Variants in KHDRBS3 observed in about 807,000 individuals in gnomAD.
KHDRBS3 encodes the protein KH domain-containing, RNA-binding, signal transduction-associated protein 3.
KHDRBS3 carries 23 observed loss-of-function variants against 45.6 expected under a neutral mutation model. That is an observed-to-expected ratio of 0.50 (90% CI 0.36 to 0.72). The LOEUF is 0.72. Ranked by LOEUF, KHDRBS3 falls within the 30% of genes least tolerant of loss-of-function variation. KHDRBS3 has a pLI of 0.00. For missense variants in KHDRBS3, 352 were observed against 424.8 expected, an observed-to-expected ratio of 0.83 and a Z score of 1.51; for synonymous variants, 162 against 156.5, an observed-to-expected ratio of 1.04 and a Z score of -0.26.
rs532855074 is a variant in KHDRBS3 at position 135,545,164 on chromosome 8, TATC to T, written c.324+2397_324+2399del. Reference sequence around the variant, plus strand: ...AGGAGGAAGCTCACACACTAGGAAATATCATAGTTACTGTACGCAAGCAGCCTT... The same window carrying T: ...AGGAGGAAGCTCACACACTAGGAAATATAGTTACTGTACGCAAGCAGCCTT... On this transcript the variant is annotated intron_variant, in intron 3 of 8. Coordinates refer to ENST00000355849, the MANE Select transcript of KHDRBS3 (RefSeq NM_006558.3). Among the ~76,000 whole-genome samples, 32 of 152,196 alleles carry T rather than the reference TATC, an allele frequency of 2.1e-4. No individual in the cohort carries two copies. The South Asian group carries it at 6.2e-3, about 30-fold the overall frequency.
At chr8:135,543,909 G>A (rs929263981) in intron 3 of KHDRBS3, among the ~76,000 whole-genome samples, 1 of 152,002 alleles carries the variant, frequency 6.6e-6, no homozygotes, top group African/African-American at 2.4e-5. Context: ...ACTTGTTTAG[G>A]GTAGAAACTC....
chr8:135,462,068 G>A (rs553828531), intron 1 of KHDRBS3, among the ~76,000 whole-genome samples: 2 of 152,006 alleles, frequency 1.3e-5, no homozygotes, highest in Non-Finnish European at 2.9e-5. Flanking sequence ...AAAACATTTC[G>A]GATTTGCTTG....
chr8:135,482,359 G>A (rs955727878), intron 1 of KHDRBS3, among the ~76,000 whole-genome samples: 1 of 97,356 alleles, frequency 1.0e-5, no homozygotes, highest in Non-Finnish European at 2.0e-5. Flanking sequence ...GCATTTCCCA[G>A]TGTTGCCCTG....
rs778039272 is a variant in KHDRBS3, at chr8:135,582,064, T to C, written c.798T>C (p.Tyr266=). 15 of 1,557,978 alleles carry C rather than the reference T, an allele frequency of 9.6e-6. No homozygotes were observed. The highest frequency in any genetic ancestry group is 3.6e-5 in the Admixed American group (2 of 54,924). ...CGCCACCCCCGACACAAGAGACTTA[T>C]GGAGAATATGTAAGTGAAGGTGTCA... The part of the protein sequence containing the change: ...PPPPPPTQET[Y]GEYDYDDGYG... Residue 266 remains tyrosine, a synonymous_variant, in exon 6 of 9, where the codon TAT becomes TAC. Coordinates refer to ENST00000355849, the MANE Select transcript of KHDRBS3 (RefSeq NM_006558.3).
chr8:135,604,706 C>G (rs903940828), intron 6 of KHDRBS3, among the ~76,000 whole-genome samples: 1 of 151,836 alleles, frequency 6.6e-6, no homozygotes, highest in Non-Finnish European at 1.5e-5. Context: ...TACCCATCAA[C>G]ATAGATTTAT....
chr8:135,625,485 G>A (rs796729591), intron 7 of KHDRBS3: 7 of 787,270 alleles, frequency 8.9e-6, no homozygotes, highest in African/African-American at 8.5e-5. Flanking sequence ...GCAGTTCTCT[G>A]TGTTGAGATG....
At chr8:135,474,293 G>C (rs1333560255) in intron 1 of KHDRBS3, among the ~76,000 whole-genome samples, 2 of 152,174 alleles carry the variant, frequency 1.3e-5, no homozygotes, top group African/African-American at 4.8e-5. Flanking sequence ...TATTTCTTCT[G>C]ATTAAACCAA....
intron 7 of KHDRBS3, among the ~76,000 whole-genome samples, chr8:135,613,081 CAGAG>C (rs1313595985): frequency 6.6e-6 from 1 of 151,756 alleles, no homozygotes; most frequent in Non-Finnish European, 1.5e-5. Flanking sequence ...CCACAAGCCG[CAGAG>C]AGAGAACTGG....
At chr8:135,630,241 A>G (rs1470391507) in intron 7 of KHDRBS3, among the ~76,000 whole-genome samples, 1 of 152,230 alleles carries the variant, frequency 6.6e-6, no homozygotes, top group Non-Finnish European at 1.5e-5. Context: ...GGGTTTCAGC[A>G]GACTGACTCC....
chr8:135,471,612 T>A (rs950404100), intron 1 of KHDRBS3, among the ~76,000 whole-genome samples: 14 of 152,210 alleles, frequency 9.2e-5, no homozygotes, highest in African/African-American at 3.4e-4. Flanking sequence ...GTTATTCCGA[T>A]CTGGTGAGGG....
chr8:135,511,340 A>G (rs1197214961), intron 1 of KHDRBS3, among the ~76,000 whole-genome samples: 1 of 152,172 alleles, frequency 6.6e-6, no homozygotes, highest in Non-Finnish European at 1.5e-5. Flanking sequence ...TCATTGTAAT[A>G]TTTTTGTTAA....
rs1406765796 is a variant in KHDRBS3, at chr8:135,625,368, CG to C, written c.890+18333del. On this transcript the variant is annotated intron_variant, in intron 7 of 8. Coordinates refer to ENST00000355849, the MANE Select transcript of KHDRBS3 (RefSeq NM_006558.3). The stretch of plus-strand genomic sequence containing the variant: ...TCCCTCTCTTTCTCCAAGTCTTCAA[CG>C]GTAAGTTTCAATACATTGAGTGCTG... The C allele has an allele frequency of 1.4e-5, 12 of 887,170 alleles. No homozygotes were observed. The African/African-American group carries it at 1.7e-4, about 12-fold the overall frequency. 55.0% of individuals were successfully genotyped at this position (887,170 alleles called of 1,614,324 possible).
At chr8:135,531,288 G>C (rs1825462140) in intron 2 of KHDRBS3, among the ~76,000 whole-genome samples, 1 of 151,876 alleles carries the variant, frequency 6.6e-6, no homozygotes, top group East Asian at 1.9e-4. Flanking sequence ...ATGGATATTA[G>C]GTTAAAATTA....
intron 4 of KHDRBS3, among the ~76,000 whole-genome samples, chr8:135,554,083 G>A (rs1826755364): frequency 6.6e-6 from 1 of 152,106 alleles, no homozygotes; most frequent in African/African-American, 2.4e-5. Context: ...TCACATAGCT[G>A]TTAAGTTCAG....
chr8:135,542,370 A>G, intron 2 of KHDRBS3: 1 of 334,506 alleles, frequency 3.0e-6, no homozygotes. Context: ...TGAAACTGTT[A>G]GGATAGCAAC....
chr8:135,559,199 C>A (rs1003031164), intron 5 of KHDRBS3, among the ~76,000 whole-genome samples: 1 of 151,356 alleles, frequency 6.6e-6, no homozygotes, highest in Admixed American at 6.6e-5. Flanking sequence ...ATAAGGTAAC[C>A]TTGTCTAGAA....
intron 3 of KHDRBS3, among the ~76,000 whole-genome samples, chr8:135,547,460 G>A (rs1309103689): frequency 1.3e-5 from 2 of 152,086 alleles, no homozygotes; most frequent in African/African-American, 2.4e-5. Flanking sequence ...TTAAGTATTG[G>A]ATTACATACA....
intron 1 of KHDRBS3, among the ~76,000 whole-genome samples, chr8:135,496,254 A>T (rs1263652298): frequency 6.6e-6 from 1 of 151,064 alleles, no homozygotes; most frequent in African/African-American, 2.4e-5. Context: ...TTTTTTTGAG[A>T]CAGAGTCTTG....
chr8:135,578,008 G>T (rs1439349032), intron 5 of KHDRBS3, among the ~76,000 whole-genome samples: 1 of 152,054 alleles, frequency 6.6e-6, no homozygotes, highest in African/African-American at 2.4e-5. Context: ...ATCTTTATTT[G>T]GTTATTTGCC....
Sources: allele counts gnomAD v4.1 joint callset (sites outside exome capture counted in the v4.1 genomes callset), GRCh38; gene constraint gnomAD v4.1.1; transcripts MANE v1.5; gene names NCBI Gene and HGNC (gene_info 2026-07-23, HGNC 2026-07-21).